WDHD1: variants seen among roughly 807,000 people sequenced by gnomAD.
The protein encoded by WDHD1 is WD repeat and HMG-box DNA binding protein 1.
In WDHD1, 111 loss-of-function variants were observed where a neutral mutation model predicts 135.4. The ratio of observed to expected loss-of-function variants is 0.82; its 90% CI spans 0.70 to 0.96. WDHD1 has a LOEUF of 0.96. Ranked by LOEUF, WDHD1 falls within the 40% of genes least tolerant of loss-of-function variation. WDHD1 has a pLI of 0.00. For missense variants in WDHD1, 1,351 were observed against 1,336.3 expected, an observed-to-expected ratio of 1.01 and a Z score of -0.17; for synonymous variants, 434 against 439.0, an observed-to-expected ratio of 0.99 and a Z score of 0.14.
chr14:54,957,010 A>C (rs1283970366), intron 23 of WDHD1, 24 bp downstream of exon 23: 1 of 1,607,406 alleles, frequency 6.2e-7, no homozygotes, highest in South Asian at 1.1e-5. Context: ...TGCTTACTGC[A>C]GATGAGGGTA....
At chr14:55,023,527 G>A (rs2042383269) in intron 2 of WDHD1, among the ~76,000 whole-genome samples, 1 of 152,176 alleles carries the variant, frequency 6.6e-6, no homozygotes, top group African/African-American at 2.4e-5. Flanking sequence ...ACTTTTGTCT[G>A]CTTCTTAGGA....
At chr14:55,003,177 G>A (rs2042003088) in intron 7 of WDHD1, among the ~76,000 whole-genome samples, 1 of 151,814 alleles carries the variant, frequency 6.6e-6, no homozygotes, top group South Asian at 2.1e-4. Context: ...ACATTTCCTT[G>A]AGCTCAATTA....
intron 24 of WDHD1, among the ~76,000 whole-genome samples, chr14:54,946,106 T>C (rs2040920167): frequency 1.3e-5 from 2 of 152,326 alleles, no homozygotes; most frequent in South Asian, 2.1e-4. Context: ...CAAAAATTAA[T>C]GAAGACCCAT....
intron 23 of WDHD1, among the ~76,000 whole-genome samples, chr14:54,956,652 G>A (rs1278080225): frequency 6.6e-6 from 1 of 152,052 alleles, no homozygotes; most frequent in Non-Finnish European, 1.5e-5. Flanking sequence ...AAAAAAGACA[G>A]GGGGAGCAGG....
At chr14:55,008,200 T>C (rs2042104496) in intron 6 of WDHD1, 116 bp downstream of exon 6, 1 of 1,006,596 alleles carries the variant, frequency 9.9e-7, no homozygotes, top group South Asian at 1.7e-5. Flanking sequence ...TATTTAATGG[T>C]ACCAAAGAAA....
At position 54,939,990 on chromosome 14, in the gene WDHD1, T is replaced by C. The variant is rs892916878; in HGVS notation, c.*1500A>G. 1.3e-5 allele frequency: 2 copies of C among 152,206 alleles called. No homozygotes were observed. The highest frequency in any genetic ancestry group is 4.8e-5 in the African/African-American group (2 of 41,446). The allele number at this position is 152,206 out of a possible 1,614,324, so 9.4% of individuals were successfully genotyped here. On this transcript the variant is annotated 3_prime_UTR_variant, in exon 26 of 26. Transcript: ENST00000360586. Reference sequence around the variant, plus strand: ...TATAAATAAACCTTTACTTAAGATCTTGAAATCAAAATTAGTTTGTATAGT... The same window carrying C: ...TATAAATAAACCTTTACTTAAGATCCTGAAATCAAAATTAGTTTGTATAGT...
chr14:55,000,850 G>T, intron 9 of WDHD1, 36 bp downstream of exon 9: 1 of 1,409,898 alleles, frequency 7.1e-7, no homozygotes, highest in South Asian at 1.7e-5. Context: ...TAATAGAGAT[G>T]AGCAAAGAAG....
chr14:54,966,569 A>T lies in WDHD1; in HGVS notation c.2216T>A (p.Leu739His), dbSNP rs2041349027. 1 of 1,608,308 alleles carries T rather than the reference A, an allele frequency of 6.2e-7. No homozygotes were observed. Among genetic ancestry groups the T allele is most frequent in the African/African-American group, 1.3e-5 (1 of 74,602 alleles). ...FWRSVIFHNH[L>H]DYLAKNGYEY... ...ATAACCATTTTTAGCTAAATAATCA[A>T]GGTGGTTGTGAAATATAACTGAACG... Residue 739 changes from leucine to histidine, a missense_variant, in exon 18 of 26, where the codon CTT (leucine) becomes CAT (histidine). Physicochemically the swap from Leu to His is moderately conservative, Grantham distance 99. Transcript: ENST00000360586.
chr14:55,010,169 C>G (rs779142189), intron 4 of WDHD1, 140 bp downstream of exon 4: 10 of 928,950 alleles, frequency 1.1e-5, no homozygotes, highest in Middle Eastern at 2.9e-4. Flanking sequence ...CCTCAAAAAC[C>G]TTTACTAGAT....
intron 24 of WDHD1, among the ~76,000 whole-genome samples, chr14:54,953,700 T>C (rs927171588): frequency 6.6e-6 from 1 of 152,128 alleles, no homozygotes; most frequent in Non-Finnish European, 1.5e-5. Flanking sequence ...CTATTCACAA[T>C]AGCAAAGACT....
At chr14:54,998,772 A>C (rs1212856726) in intron 10 of WDHD1, among the ~76,000 whole-genome samples, 1 of 152,134 alleles carries the variant, frequency 6.6e-6, no homozygotes, top group Non-Finnish European at 1.5e-5. Context: ...AATTCTCCCA[A>C]TATAGATAGA....
At chr14:54,953,966 C>T (rs993271542) in intron 24 of WDHD1, among the ~76,000 whole-genome samples, 1 of 151,942 alleles carries the variant, frequency 6.6e-6, no homozygotes, top group Non-Finnish European at 1.5e-5. Context: ...ACACTTGGGC[C>T]TGTTGTGGGG....
chr14:54,953,969 T>C (rs1021334010), intron 24 of WDHD1, among the ~76,000 whole-genome samples: 3 of 151,820 alleles, frequency 2.0e-5, no homozygotes, highest in Non-Finnish European at 2.9e-5. Context: ...CTTGGGCCTG[T>C]TGTGGGGTGG....
intron 7 of WDHD1, among the ~76,000 whole-genome samples, chr14:55,003,319 G>A (rs1167430297): frequency 6.6e-6 from 1 of 151,864 alleles, no homozygotes; most frequent in Non-Finnish European, 1.5e-5. Context: ...AGACTAGCCT[G>A]AGCAACATAA....
chr14:55,008,461 C>T, intron 5 of WDHD1, 95 bp from the exon 6 acceptor site: 1 of 1,481,608 alleles, frequency 6.7e-7, no homozygotes, highest in Non-Finnish European at 9.2e-7. Flanking sequence ...CTTTTATCAA[C>T]TGGGTGAAAT....
chr14:55,022,781 TCAG>T (rs2042371321), intron 2 of WDHD1, among the ~76,000 whole-genome samples: 1 of 151,502 alleles, frequency 6.6e-6, no homozygotes, highest in Non-Finnish European at 1.5e-5. Flanking sequence ...TGTCTCTTGG[TCAG>T]CAGAAGCTGA....
intron 16 of WDHD1, among the ~76,000 whole-genome samples, chr14:54,970,266 T>C (rs146554328): frequency 1.8e-3 from 277 of 152,292 alleles, no homozygotes; most frequent in Middle Eastern, 6.8e-3. Context: ...TATTACTCTA[T>C]ACATAGAATT....
At chr14:54,947,210 A>T (rs1454645753) in intron 24 of WDHD1, among the ~76,000 whole-genome samples, 11 of 152,116 alleles carry the variant, frequency 7.2e-5, no homozygotes, top group Non-Finnish European at 1.5e-5. Flanking sequence ...ATGGTTGCGC[A>T]TGCCTGTAAT....
chr14:55,011,524 C>CAAA (rs60615259), intron 3 of WDHD1, among the ~76,000 whole-genome samples: 5,496 of 50,918 alleles, frequency 0.11, 1,309 homozygotes, highest in Non-Finnish European at 0.12. Flanking sequence ...AACTCTGTCT[C>CAAA]AAAAAAAAAA....
Sources: allele counts gnomAD v4.1 joint callset (sites outside exome capture counted in the v4.1 genomes callset), GRCh38; gene constraint gnomAD v4.1.1; transcripts MANE v1.5; gene names NCBI Gene and HGNC (gene_info 2026-07-23, HGNC 2026-07-21).